CHRNA7: variants seen among roughly 807,000 people sequenced by gnomAD.
CHRNA7 encodes the protein cholinergic receptor nicotinic alpha 7 subunit.
CHRNA7 carries 17 observed loss-of-function variants against 48.0 expected under a neutral mutation model. The ratio of observed to expected loss-of-function variants is 0.35; its 90% CI spans 0.24 to 0.53. CHRNA7 has a LOEUF of 0.53. Among genes scored for constraint, CHRNA7 ranks in the 20% least tolerant of loss-of-function variants. CHRNA7 has a pLI of 0.92. For synonymous variants in CHRNA7, 75 were observed against 242.3 expected, an observed-to-expected ratio of 0.31 and a Z score of 6.41; for missense variants, 155 against 577.7, an observed-to-expected ratio of 0.27 and a Z score of 7.50.
At chr15:32,115,702 T>A (rs2050858439) in intron 4 of CHRNA7, among the ~76,000 whole-genome samples, 1 of 152,096 alleles carries the variant, frequency 6.6e-6, no homozygotes, top group South Asian at 2.1e-4. Flanking sequence ...AGAAAAGGAT[T>A]CCTGTCCACG....
At chr15:32,114,139 CACACAG>C (rs1449329909) in intron 4 of CHRNA7, among the ~76,000 whole-genome samples, 5 of 148,212 alleles carry the variant, frequency 3.4e-5, no homozygotes, top group African/African-American at 1.3e-4. Flanking sequence ...TACACACACA[CACACAG>C]AGAGAGAGAG....
At chr15:32,060,338 C>CTG (rs145181779) in intron 2 of CHRNA7, among the ~76,000 whole-genome samples, 12 of 151,600 alleles carry the variant, frequency 7.9e-5, no homozygotes, top group South Asian at 4.2e-4. Flanking sequence ...ATATACATAC[C>CTG]TGTGTGTGTG....
At chr15:32,119,965 C>G (rs1413991981) in intron 4 of CHRNA7, among the ~76,000 whole-genome samples, 1 of 152,208 alleles carries the variant, frequency 6.6e-6, no homozygotes, top group Non-Finnish European at 1.5e-5. Context: ...ACTGAAGGTC[C>G]CATGCACTGC....
At chr15:32,036,016 G>A (rs1902066622) in intron 2 of CHRNA7, among the ~76,000 whole-genome samples, 1 of 152,304 alleles carries the variant, frequency 6.6e-6, no homozygotes, top group African/African-American at 2.4e-5. Flanking sequence ...GGCATAATGT[G>A]TAATACCCTC....
intron 3 of CHRNA7, among the ~76,000 whole-genome samples, chr15:32,105,981 A>G (rs1473043615): frequency 1.3e-5 from 2 of 151,556 alleles, no homozygotes; most frequent in South Asian, 2.1e-4. Context: ...AAGCCCTGGC[A>G]TTTCTATTCA....
chr15:32,108,377 G>A (rs1369620127), intron 3 of CHRNA7, among the ~76,000 whole-genome samples: 1 of 152,212 alleles, frequency 6.6e-6, no homozygotes, highest in Non-Finnish European at 1.5e-5. Context: ...GGGAGTCTAG[G>A]TTCATTGACG....
chr15:32,117,924 T>G (rs1490468882), intron 4 of CHRNA7, among the ~76,000 whole-genome samples: 1 of 151,906 alleles, frequency 6.6e-6, no homozygotes, highest in Non-Finnish European at 1.5e-5. Context: ...GTGGTTGCTA[T>G]AGTTTGAATA....
intron 4 of CHRNA7, among the ~76,000 whole-genome samples, chr15:32,145,372 G>T (rs1294520414): frequency 2.6e-5 from 4 of 152,178 alleles, no homozygotes; most frequent in Non-Finnish European, 4.4e-5. Flanking sequence ...CTACACGGGG[G>T]TCAGGGACCC....
At chr15:32,120,255 T>G (rs1322316576) in intron 4 of CHRNA7, among the ~76,000 whole-genome samples, 1 of 152,120 alleles carries the variant, frequency 6.6e-6, no homozygotes, top group African/African-American at 2.4e-5. Context: ...AGGAAAGAGC[T>G]CGGTCTCTTG....
intron 4 of CHRNA7, among the ~76,000 whole-genome samples, chr15:32,120,481 G>A (rs1050089654): frequency 1.3e-5 from 2 of 151,582 alleles, no homozygotes; most frequent in African/African-American, 4.8e-5. Context: ...GTCGCCTCTT[G>A]ACTGATTTCA....
intron 2 of CHRNA7, among the ~76,000 whole-genome samples, chr15:32,041,269 C>A (rs771299914): frequency 6.6e-6 from 1 of 152,108 alleles, no homozygotes; most frequent in Non-Finnish European, 1.5e-5. Flanking sequence ...TTCAACAGTC[C>A]CCAACCTTTT....
chr15:32,080,285 C>G (rs1421731657), intron 2 of CHRNA7, among the ~76,000 whole-genome samples: 1 of 152,060 alleles, frequency 6.6e-6, no homozygotes, highest in African/African-American at 2.4e-5. Context: ...GCAACAAAAA[C>G]AAAAATTAAC....
chr15:32,097,292 A>G (rs745924365), intron 2 of CHRNA7, among the ~76,000 whole-genome samples: 71 of 152,154 alleles, frequency 4.7e-4, no homozygotes, highest in Non-Finnish European at 8.1e-4. Context: ...GCTGAAACCC[A>G]CTTTCACAGT....
intron 4 of CHRNA7, among the ~76,000 whole-genome samples, chr15:32,127,234 G>A (rs2051082398): frequency 6.6e-6 from 1 of 152,190 alleles, no homozygotes; most frequent in Admixed American, 6.5e-5. Flanking sequence ...TATTTGAGAT[G>A]TTTTCAGTTT....
At chr15:32,094,724 G>A (rs867184861) in intron 2 of CHRNA7, among the ~76,000 whole-genome samples, 1 of 151,066 alleles carries the variant, frequency 6.6e-6, no homozygotes, top group Non-Finnish European at 1.5e-5. Context: ...GCAGTGGCAC[G>A]ATCTCAGCTC....
At chr15:32,124,072 A>T (rs972053222) in intron 4 of CHRNA7, among the ~76,000 whole-genome samples, 1 of 152,116 alleles carries the variant, frequency 6.6e-6, no homozygotes, top group African/African-American at 2.4e-5. Context: ...TTTAAATCCC[A>T]TAACAGTTCT....
At chr15:32,126,458 G>A (rs1444642715) in intron 4 of CHRNA7, among the ~76,000 whole-genome samples, 1 of 152,158 alleles carries the variant, frequency 6.6e-6, no homozygotes, top group African/African-American at 2.4e-5. Context: ...CAGGTTGAGG[G>A]CAAGGCAAAG....
intron 2 of CHRNA7, among the ~76,000 whole-genome samples, chr15:32,041,298 T>C (rs776912643): frequency 2.0e-5 from 3 of 152,222 alleles, no homozygotes; most frequent in Non-Finnish European, 2.9e-5. Context: ...GGGACCTGTT[T>C]TGTGGAAGAC....
At chr15:32,033,381 C>G (rs1437808565) in intron 2 of CHRNA7, among the ~76,000 whole-genome samples, 1 of 152,190 alleles carries the variant, frequency 6.6e-6, no homozygotes, top group Non-Finnish European at 1.5e-5. Flanking sequence ...GAAGTCCATG[C>G]CTAGAAGGGT....
Sources: gnomAD v4.1 joint callset for allele counts (sites outside exome capture counted in the v4.1 genomes callset) on GRCh38, gnomAD v4.1.1 for gene constraint, MANE v1.5 for transcripts, NCBI Gene and HGNC (gene_info 2026-07-23, HGNC 2026-07-21) for gene names.